FSTL4: variants seen among roughly 807,000 people sequenced by gnomAD.
The protein encoded by FSTL4 is follistatin like 4.
A neutral mutation model predicts 78.2 loss-of-function variants in FSTL4; 28 were observed. That is an observed-to-expected ratio of 0.36 (90% CI 0.27 to 0.49). The LOEUF is 0.49. Ranked by LOEUF, FSTL4 falls within the 20% of genes least tolerant of loss-of-function variation. FSTL4 has a pLI of 0.98. For missense variants in FSTL4, 922 were observed against 1,084.9 expected (o/e 0.85, Z 2.11); for synonymous variants, 422 against 440.5 (o/e 0.96, Z 0.53).
At chr5:133,695,266 G>A in the FSTL4 span, among the ~76,000 whole-genome samples, 3 of 152,056 alleles carry the variant, frequency 2.0e-5, no homozygotes, top group Admixed American at 2.0e-4. Flanking sequence ...TTCCCTCATG[G>A]TTGCAAACAG....
intron 4 of FSTL4, among the ~76,000 whole-genome samples, chr5:133,319,622 G>A (rs1432842471): frequency 6.6e-6 from 1 of 152,196 alleles, no homozygotes; most frequent in East Asian, 1.9e-4. Flanking sequence ...GCAGGAGAGG[G>A]CAGTGGGACA....
chr5:133,430,916 T>C (rs1756922285), intron 3 of FSTL4, among the ~76,000 whole-genome samples: 1 of 152,196 alleles, frequency 6.6e-6, no homozygotes, highest in Non-Finnish European at 1.5e-5. Context: ...GAATTTCCCC[T>C]TCATTCCTGC....
chr5:133,299,584 C>CAGGCCTTTATTG (rs1283934088), intron 6 of FSTL4, among the ~76,000 whole-genome samples: 4 of 152,170 alleles, frequency 2.6e-5, no homozygotes, highest in South Asian at 2.1e-4. Context: ...CTGCTCAGCC[C>CAGGCCTTTATTG]AGGCCTTTAT....
In FSTL4 at chr5:133,365,121, C is replaced by G. The variant is rs144143763; in HGVS notation, c.409+35617G>C. Among the ~76,000 whole-genome samples the G allele has an allele frequency of 4.6e-5, 7 of 152,132 alleles. No homozygotes were observed. The East Asian group carries it at 1.4e-3, about 29-fold the overall frequency. On this transcript the variant is annotated intron_variant, in intron 4 of 15. Coordinates refer to ENST00000265342, the MANE Select transcript of FSTL4 (RefSeq NM_015082.2). The stretch of plus-strand genomic sequence containing the variant: ...TTTCTTTAATGTTGTTTGTGGAACT[C>G]TGTAGTAAATTAAGCCATAAACCTG...
chr5:133,235,251 A>T (rs1422099965), intron 7 of FSTL4, among the ~76,000 whole-genome samples: 2 of 152,144 alleles, frequency 1.3e-5, no homozygotes, highest in Non-Finnish European at 2.9e-5. Flanking sequence ...AGGCCGAGGC[A>T]GGTGGATCAC....
chr5:133,650,696 G>A, the FSTL4 span, among the ~76,000 whole-genome samples: 1 of 152,100 alleles, frequency 6.6e-6, no homozygotes, highest in Admixed American at 6.6e-5. Context: ...TGGCTTTATA[G>A]TAAGTCTTGA....
At chr5:133,499,071 A>G (rs1758433243) in intron 3 of FSTL4, among the ~76,000 whole-genome samples, 1 of 151,668 alleles carries the variant, frequency 6.6e-6, no homozygotes, top group African/African-American at 2.4e-5. Context: ...CGGATATAGC[A>G]TGAGCAGTGA....
intron 3 of FSTL4, among the ~76,000 whole-genome samples, chr5:133,539,226 C>A (rs1475966090): frequency 1.3e-5 from 2 of 151,598 alleles, no homozygotes; most frequent in Non-Finnish European, 2.9e-5. Context: ...ATTGCTGCTG[C>A]CATCTTTGGA....
intron 2 of FSTL4, among the ~76,000 whole-genome samples, chr5:133,595,701 G>T (rs1760723701): frequency 6.6e-6 from 1 of 152,192 alleles, no homozygotes; most frequent in Non-Finnish European, 1.5e-5. Flanking sequence ...CAAAACCACA[G>T]CTCTGTCTGT....
At chr5:133,785,637 A>G in the FSTL4 span, among the ~76,000 whole-genome samples, 2 of 152,212 alleles carry the variant, frequency 1.3e-5, no homozygotes, top group African/African-American at 4.8e-5. Context: ...AGAAGGTGCC[A>G]TCTTCCAGAA....
chr5:133,742,754 T>G, the FSTL4 span, among the ~76,000 whole-genome samples: 1 of 152,152 alleles, frequency 6.6e-6, no homozygotes, highest in Non-Finnish European at 1.5e-5. Flanking sequence ...GGGTTAGTGC[T>G]TTCATCTGAT....
chr5:133,206,182 C>CTTGACA (rs1554095675), intron 14 of FSTL4, among the ~76,000 whole-genome samples: 70 of 151,866 alleles, frequency 4.6e-4, no homozygotes, highest in African/African-American at 1.6e-3. Context: ...GAGGACTTGA[C>CTTGACA]AAAACTCAGC....
intron 3 of FSTL4, among the ~76,000 whole-genome samples, chr5:133,538,872 C>G (rs545875853): frequency 3.3e-5 from 5 of 152,264 alleles, no homozygotes; most frequent in African/African-American, 1.2e-4. Flanking sequence ...ACAGCCAGAG[C>G]TGGGAGAGCG....
At chr5:133,567,615 C>A (rs574017461) in intron 2 of FSTL4, among the ~76,000 whole-genome samples, 25 of 152,150 alleles carry the variant, frequency 1.6e-4, no homozygotes, top group Non-Finnish European at 2.2e-4. Flanking sequence ...AATTATCTGG[C>A]CAGCAGCAGG....
intron 7 of FSTL4, among the ~76,000 whole-genome samples, chr5:133,243,306 C>T (rs954655767): frequency 1.3e-5 from 2 of 152,004 alleles, no homozygotes; most frequent in East Asian, 3.8e-4. Context: ...TTGTTGTAGG[C>T]CTTTTTGTTT....
At position 133,330,590 on chromosome 5, in the gene FSTL4, G is replaced by A. The variant is rs370946431; in HGVS notation, c.410-13938C>T. On this transcript the variant is annotated intron_variant, in intron 4 of 15. Transcript: ENST00000265342. ...ACCAGGCCCCACCTCCAACACTGGG[G>A]ATTGCATTTCAACATGAGATTTCAG... Among the ~76,000 whole-genome samples the A allele has an allele frequency of 5.3e-4, 80 of 152,276 alleles. 3 individuals carry two copies. The South Asian group carries it at 0.014, about 27-fold the overall frequency.
chr5:133,474,850 C>T (rs1385577899), intron 3 of FSTL4, among the ~76,000 whole-genome samples: 2 of 152,196 alleles, frequency 1.3e-5, no homozygotes, highest in Admixed American at 6.5e-5. Context: ...ATCTCATGAA[C>T]GAGGCCCGTA....
intron 6 of FSTL4, among the ~76,000 whole-genome samples, chr5:133,295,981 C>G (rs2126873034): frequency 6.6e-6 from 1 of 152,326 alleles, no homozygotes; most frequent in Non-Finnish European, 1.5e-5. Flanking sequence ...CCATCTTCAG[C>G]CTAGCCCTCT....
the FSTL4 span, among the ~76,000 whole-genome samples, chr5:133,712,208 G>A: frequency 1.3e-5 from 2 of 152,212 alleles, no homozygotes; most frequent in African/African-American, 2.4e-5. Flanking sequence ...TAGCTCTAAT[G>A]GATGTGGGGA....
Sources: allele counts gnomAD v4.1 joint callset (sites outside exome capture counted in the v4.1 genomes callset), GRCh38; gene constraint gnomAD v4.1.1; transcripts MANE v1.5; gene names NCBI Gene and HGNC (gene_info 2026-07-23, HGNC 2026-07-21).